The following LRRC63 variants were observed in gnomAD, a reference collection of about 807,000 sequenced individuals.
LRRC63 encodes the protein leucine-rich repeat-containing protein 63.
LRRC63 carries 40 observed loss-of-function variants against 49.5 expected under a neutral mutation model. The ratio of observed to expected loss-of-function variants is 0.81; its 90% CI spans 0.63 to 1.05. The LOEUF is 1.05. LRRC63 is among the 50% of genes least tolerant of loss of function. The pLI is 0.00. For synonymous variants in LRRC63, 191 were observed against 221.1 expected (o/e 0.86, Z 1.21); for missense variants, 636 against 663.1 (o/e 0.96, Z 0.45).
chr13:46,235,206 C>T (rs913890869), intron 5 of LRRC63, among the ~76,000 whole-genome samples: 12 of 152,048 alleles, frequency 7.9e-5, no homozygotes, highest in East Asian at 1.9e-4. Context: ...AGCACAGAGT[C>T]GATCTGAAAA....
intron 8 of LRRC63, among the ~76,000 whole-genome samples, chr13:46,266,276 G>A (rs2047683099): frequency 6.6e-6 from 1 of 152,134 alleles, no homozygotes; most frequent in African/African-American, 2.4e-5. Flanking sequence ...AAACCCAGAG[G>A]ACCCAGTTAA....
In LRRC63 at chr13:46,259,288, T is replaced by C. The variant is rs114221505; in HGVS notation, c.1227-2621T>C. Among the ~76,000 whole-genome samples, 542 of 151,760 alleles carry C rather than the reference T, an allele frequency of 3.6e-3. 4 individuals carry two copies. The highest frequency in any genetic ancestry group is 0.013 in the African/African-American group (523 of 41,514). On this transcript the variant is annotated intron_variant, in intron 7 of 9. Transcript: ENST00000595396. ...TTTTTTCCTGTTCCCAAAGCTTTTG[T>C]AGAAAAGATAAAAAAGGGAGAAAAA...
exon 9 of LRRC63, chr13:46,266,863 T>C: frequency 6.5e-7 from 1 of 1,549,668 alleles, no homozygotes; most frequent in South Asian, 1.2e-5. Flanking sequence ...AGATAATTAT[T>C]TGAATAATCC....
intron 5 of LRRC63, among the ~76,000 whole-genome samples, chr13:46,237,234 G>C (rs1338328641): frequency 1.3e-5 from 2 of 152,146 alleles, no homozygotes; most frequent in African/African-American, 4.8e-5. Flanking sequence ...AGGGAAGAAA[G>C]GATGAATAAG....
chr13:46,261,529 T>C (rs2047613969), intron 7 of LRRC63, among the ~76,000 whole-genome samples: 1 of 152,218 alleles, frequency 6.6e-6, no homozygotes, highest in East Asian at 1.9e-4. Flanking sequence ...GAACCAGCCC[T>C]GCTAATACCT....
chr13:46,246,894 C>A lies in LRRC63; in HGVS notation c.1089+269C>A, dbSNP rs890019604. The stretch of plus-strand genomic sequence containing the variant: ...CTATAATGTATATTAAATATTTATT[C>A]TTCTAACTCTGAATGTAATCTAAAA... On this transcript the variant is annotated intron_variant, in intron 6 of 9. Transcript: ENST00000595396. 2.6e-5 allele frequency among the ~76,000 whole-genome samples: 4 copies of A among 152,032 alleles called. No individual in the cohort carries two copies. In the East Asian group the frequency reaches 7.7e-4, roughly 29 times the overall value.
At chr13:46,272,787 A>G (rs944749198) in intron 9 of LRRC63, among the ~76,000 whole-genome samples, 5 of 152,258 alleles carry the variant, frequency 3.3e-5, no homozygotes, top group Non-Finnish European at 5.9e-5. Flanking sequence ...ATGTTTTGAC[A>G]TGGAAAGTTG....
rs1382982284 is a variant in LRRC63 at position 46,276,850 on chromosome 13, ATT to A, written c.*49_*50del. On this transcript the variant is annotated 3_prime_UTR_variant, in exon 10 of 10. Coordinates refer to ENST00000595396, the Ensembl canonical transcript of LRRC63. ...TGTGTATATATATATATATATATAT[ATT>A]TATATATATATATATTTATATATAT... The A allele has an allele frequency of 4.5e-3, 631 of 141,356 alleles. 2 individuals carry two copies. Among genetic ancestry groups the A allele is most frequent in the African/African-American group, 0.013 (397 of 31,082 alleles). 8.8% of individuals were successfully genotyped at this position (141,356 alleles called of 1,614,324 possible).
chr13:46,254,345 A>G (rs2047456816), intron 7 of LRRC63, among the ~76,000 whole-genome samples: 3 of 152,146 alleles, frequency 2.0e-5, no homozygotes, highest in Admixed American at 2.0e-4. Context: ...TGTTGGAAAG[A>G]AACCAATAGG....
In LRRC63 at chr13:46,220,813, C is replaced by T. The variant is rs2046385499; in HGVS notation, c.86-6699C>T. Among the ~76,000 whole-genome samples, 5 of 152,114 alleles carry T rather than the reference C, an allele frequency of 3.3e-5. No homozygotes were observed. In the South Asian group the frequency reaches 1.0e-3, roughly 31 times the overall value. On this transcript the variant is annotated intron_variant, in intron 2 of 9. Coordinates refer to ENST00000595396, the Ensembl canonical transcript of LRRC63. ...AAAGCATAGTTTTTGGGTTGGAGTG[C>T]ACCATTCCTCACGGCACAGTCCCTC...
chr13:46,256,643 C>G (rs2047515579), intron 7 of LRRC63, among the ~76,000 whole-genome samples: 2 of 152,116 alleles, frequency 1.3e-5, no homozygotes, highest in South Asian at 4.1e-4. Flanking sequence ...GAGCAGATAA[C>G]TTGTTTCTTT....
intron 7 of LRRC63, among the ~76,000 whole-genome samples, chr13:46,251,476 T>C (rs2047380191): frequency 6.6e-6 from 1 of 151,882 alleles, no homozygotes; most frequent in South Asian, 2.1e-4. Flanking sequence ...GTACATAAAC[T>C]GTATTTTCCC....
intron 6 of LRRC63, among the ~76,000 whole-genome samples, chr13:46,247,277 A>G (rs1485163776): frequency 2.6e-5 from 4 of 152,098 alleles, no homozygotes; most frequent in East Asian, 1.9e-4. Context: ...TACTTTCTCT[A>G]TAATATAATG....
chr13:46,271,355 C>A (rs560044729), intron 9 of LRRC63, among the ~76,000 whole-genome samples: 42 of 152,260 alleles, frequency 2.8e-4, no homozygotes, highest in African/African-American at 9.6e-4. Context: ...AATGTGACGA[C>A]CAAAAAGTCT....
chr13:46,237,656 AAGAT>A (rs1282034728), intron 5 of LRRC63, among the ~76,000 whole-genome samples: 1 of 152,150 alleles, frequency 6.6e-6, no homozygotes, highest in Non-Finnish European at 1.5e-5. Flanking sequence ...AATGGAAACA[AAGAT>A]AGGTTATTTG....
chr13:46,223,199 C>G (rs2046459431), intron 2 of LRRC63, among the ~76,000 whole-genome samples: 1 of 151,004 alleles, frequency 6.6e-6, no homozygotes, highest in Non-Finnish European at 1.5e-5. Context: ...TACCCTAAAA[C>G]TTAAAGTATA....
intron 7 of LRRC63, among the ~76,000 whole-genome samples, chr13:46,253,881 A>G (rs1479132866): frequency 6.6e-6 from 1 of 152,154 alleles, no homozygotes; most frequent in African/African-American, 2.4e-5. Context: ...TCTGTTTTTC[A>G]TCACAATTCT....
chr13:46,248,370 A>G (rs980589479), intron 6 of LRRC63, among the ~76,000 whole-genome samples: 5 of 152,040 alleles, frequency 3.3e-5, no homozygotes, highest in African/African-American at 1.2e-4. Flanking sequence ...TACAGATTCA[A>G]TGATACGCTG....
intron 5 of LRRC63, 131 bp from the exon 6 acceptor site, chr13:46,246,396 A>C: frequency 2.4e-6 from 1 of 419,988 alleles, no homozygotes; most frequent in East Asian, 3.6e-5. Context: ...ATGGACGAGG[A>C]GTATAGGCTT....
Sources: allele counts gnomAD v4.1 joint callset (sites outside exome capture counted in the v4.1 genomes callset), GRCh38; gene constraint gnomAD v4.1.1; transcripts MANE v1.5; gene names NCBI Gene and HGNC (gene_info 2026-07-23, HGNC 2026-07-21).